OLFM4: variants seen among roughly 807,000 people sequenced by gnomAD.
OLFM4 encodes the protein olfactomedin 4.
OLFM4 carries 22 observed loss-of-function variants against 25.5 expected under a neutral mutation model. That is an observed-to-expected ratio of 0.86 (90% confidence interval 0.62 to 1.23). The LOEUF (loss-of-function observed/expected upper bound fraction) is 1.23. OLFM4 is among the 50% of genes most tolerant of loss of function. The probability of loss-of-function intolerance (pLI) is 0.00; values close to 1 mark genes in which losing one functional copy is unlikely to be tolerated. For synonymous variants in OLFM4, 255 were observed against 237.7 expected (o/e 1.07, Z -0.67); for missense variants, 594 against 619.4 (o/e 0.96, Z 0.44).
chr13:53,030,330 T>G (rs961610609), intron 1 of OLFM4, among the ~76,000 whole-genome samples: 6 of 152,084 alleles, frequency 3.9e-5, no homozygotes, highest in African/African-American at 1.4e-4. Flanking sequence ...TGAGACAGAG[T>G]CTCATTCTGT....
chr13:53,049,568 C>T (rs1348170978), intron 4 of OLFM4, among the ~76,000 whole-genome samples: 8 of 152,080 alleles, frequency 5.3e-5, no homozygotes, highest in Non-Finnish European at 2.9e-5. Context: ...AATCTTGCTT[C>T]CTTGATTTTG....
intron 1 of OLFM4, among the ~76,000 whole-genome samples, chr13:53,031,310 A>G (rs1342682257): frequency 1.3e-5 from 2 of 152,164 alleles, no homozygotes; most frequent in South Asian, 2.1e-4. Context: ...CCCTTTTATA[A>G]CTGTCATTGA....
rs1463030215 is a variant in OLFM4 at position 53,051,983 on chromosome 13, T to C, written c.*1212T>C. Reference sequence around the variant, plus strand: ...TATTTTTCCTTTGATGTTCAAGTCCTAGTCTATAGGATTGGCAGTTTAAAT... The same window carrying C: ...TATTTTTCCTTTGATGTTCAAGTCCCAGTCTATAGGATTGGCAGTTTAAAT... On this transcript the variant is annotated 3_prime_UTR_variant, in exon 5 of 5. Transcript: ENST00000219022. 5 of 152,346 alleles carry C rather than the reference T, an allele frequency of 3.3e-5. No individual in the cohort carries two copies. The East Asian group carries it at 9.6e-4, about 29-fold the overall frequency. 9.4% of individuals were successfully genotyped at this position (152,346 alleles called of 1,614,324 possible). A position where few individuals can be genotyped will look rare whatever the true frequency, so the allele number is the denominator to read the frequency against.
At chr13:53,034,266 G>A in intron 1 of OLFM4, 82 bp from the exon 2 acceptor site, 1 of 1,454,330 alleles carries the variant, frequency 6.9e-7, no homozygotes, top group South Asian at 1.3e-5. Flanking sequence ...AAGTACTCTC[G>A]ACAAGCCAAT....
chr13:53,050,590 A>T lies in OLFM4; in HGVS notation c.1352A>T (p.Glu451Val). ...YATRTMNTRT[E>V]EIFYYYDTNT... is the part of the protein sequence containing the mutation. ...ACCCGTACTATGAACACCAGAACAG[A>T]AGAGATTTTTTACTATTATGACACA... Residue 451 changes from glutamate to valine, a missense_variant, in exon 5 of 5, where the codon GAA becomes GTA. Glu to Val is a moderately radical substitution (Grantham distance 121, BLOSUM62 -2). Coordinates refer to ENST00000219022, the MANE Select transcript of OLFM4 (RefSeq NM_006418.5). 6.2e-7 allele frequency: 1 copy of T among 1,614,024 alleles called. No individual in the cohort carries two copies. Among genetic ancestry groups the T allele is most frequent in the Non-Finnish European group, 8.5e-7 (1 of 1,179,970 alleles).
rs776376569 is a variant in OLFM4 at position 53,050,424 on chromosome 13, T to G, written c.1186T>G (p.Tyr396Asp). ...AVDENGLWVI[Y>D]STEASTGNMV... ...GGATGAGAATGGATTGTGGGTTATT[T>G]ATTCAACTGAAGCCAGCACTGGTAA... The change falls in exon 5 of 5, where the codon TAT becomes GAT. Residue 396 changes from tyrosine to aspartate, a missense_variant. Transcript: ENST00000219022. The G allele has an allele frequency of 6.2e-7, 1 of 1,614,090 alleles. No individual in the cohort carries two copies. Among genetic ancestry groups the G allele is most frequent in the Non-Finnish European group, 8.5e-7 (1 of 1,179,982 alleles).
chr13:53,037,377 T>A (rs1380255278), intron 2 of OLFM4, among the ~76,000 whole-genome samples: 2 of 152,214 alleles, frequency 1.3e-5, no homozygotes, highest in Non-Finnish European at 2.9e-5. Context: ...TAGATCCTCA[T>A]GCACGGGAAG....
intron 4 of OLFM4, among the ~76,000 whole-genome samples, chr13:53,044,092 C>A (rs545436563): frequency 6.6e-6 from 1 of 152,160 alleles, no homozygotes; most frequent in East Asian, 1.9e-4. Flanking sequence ...ATAGTGCCTG[C>A]CTTGCAGGGT....
intron 1 of OLFM4, among the ~76,000 whole-genome samples, chr13:53,029,278 G>C (rs186811400): frequency 6.6e-6 from 1 of 152,302 alleles, no homozygotes; most frequent in East Asian, 1.9e-4. Context: ...CTATGCTTTA[G>C]AGGAATTCTC....
intron 4 of OLFM4, among the ~76,000 whole-genome samples, chr13:53,046,848 C>T (rs1954718364): frequency 6.6e-6 from 1 of 152,188 alleles, no homozygotes; most frequent in South Asian, 2.1e-4. Context: ...AAGTAACTTG[C>T]TCAAGGATAC....
At chr13:53,030,659 G>A (rs1954624593) in intron 1 of OLFM4, among the ~76,000 whole-genome samples, 2 of 152,168 alleles carry the variant, frequency 1.3e-5, no homozygotes, top group Non-Finnish European at 2.9e-5. Context: ...TTTTAGAGAT[G>A]TGAAAACTAA....
intron 2 of OLFM4, among the ~76,000 whole-genome samples, chr13:53,035,740 C>T (rs1371537145): frequency 1.3e-5 from 2 of 152,128 alleles, no homozygotes; most frequent in African/African-American, 4.8e-5. Flanking sequence ...GTTTCTCAGC[C>T]TTGGTAAAAA....
chr13:53,035,502 A>G (rs756765754), intron 2 of OLFM4, among the ~76,000 whole-genome samples: 1 of 152,152 alleles, frequency 6.6e-6, no homozygotes, highest in Admixed American at 6.5e-5. Flanking sequence ...GTACAATGAA[A>G]TTATTATGGA....
Position 53,043,250 on chromosome 13 carries a change from C to A in OLFM4, c.716C>A (p.Pro239His), listed in dbSNP as rs932555490. 3 of 1,603,948 alleles carry A rather than the reference C, an allele frequency of 1.9e-6. No individual in the cohort carries two copies. The highest frequency in any genetic ancestry group is 2.6e-6 in the Non-Finnish European group (3 of 1,176,372). The change falls in exon 4 of 5, where the codon CCT becomes CAT. Residue 239 changes from proline to histidine, a missense_variant. Coordinates refer to ENST00000219022, the MANE Select transcript of OLFM4 (RefSeq NM_006418.5). ...GATCAAAACACCCCTGTCGTCCACC[C>A]TCCTCCCACTCCAGGTAAGCATGCC... Reference protein sequence around the residue: ...SKDQNTPVVHPPPTPGSCGHG... With the variant: ...SKDQNTPVVHHPPTPGSCGHG...
chr13:53,034,273 C>T, intron 1 of OLFM4, 75 bp from the exon 2 acceptor site: 1 of 1,502,764 alleles, frequency 6.7e-7, no homozygotes. Context: ...CTCGACAAGC[C>T]AATTTCTGTC....
intron 4 of OLFM4, among the ~76,000 whole-genome samples, chr13:53,044,892 G>C (rs1382433680): frequency 6.6e-6 from 1 of 152,078 alleles, no homozygotes; most frequent in East Asian, 1.9e-4. Context: ...AACACCCCTT[G>C]CAAATCCTCC....
intron 1 of OLFM4, among the ~76,000 whole-genome samples, chr13:53,029,960 A>G (rs1349943169): frequency 6.6e-6 from 1 of 151,818 alleles, no homozygotes; most frequent in African/African-American, 2.4e-5. Flanking sequence ...CGGGAACCCC[A>G]CTCTGCAAAC....
At position 53,050,969 on chromosome 13, in the gene OLFM4, C is replaced by A. The variant is rs759107785; in HGVS notation, c.*198C>A. 3 of 547,436 alleles carry A rather than the reference C, an allele frequency of 5.5e-6. No homozygotes were observed. The highest frequency in any genetic ancestry group is 9.4e-6 in the Non-Finnish European group (3 of 318,348). 33.9% of individuals were successfully genotyped at this position (547,436 alleles called of 1,614,324 possible). On this transcript the variant is annotated 3_prime_UTR_variant, in exon 5 of 5. Transcript: ENST00000219022. Reference sequence around the variant, plus strand: ...CTTGGGAATCATCTGCCTCTTCAGGCGCATTTTGCAATAAAGTCTGTCTAG... The same window carrying A: ...CTTGGGAATCATCTGCCTCTTCAGGAGCATTTTGCAATAAAGTCTGTCTAG...
At chr13:53,042,194 C>T in intron 3 of OLFM4, 72 bp downstream of exon 3, 1 of 1,281,852 alleles carries the variant, frequency 7.8e-7, no homozygotes, top group Non-Finnish European at 1.1e-6. Context: ...AGTACTAGTA[C>T]CAGGAAGTGA....
Sources: allele counts gnomAD v4.1 joint callset (sites outside exome capture counted in the v4.1 genomes callset), GRCh38; gene constraint gnomAD v4.1.1; transcripts MANE v1.5; gene names NCBI Gene and HGNC (gene_info 2026-07-23, HGNC 2026-07-21).